Variants in LRFN5 observed in about 807,000 individuals in gnomAD.
LRFN5 encodes the protein leucine-rich repeat and fibronectin type-III domain-containing protein 5.
In LRFN5, 24 loss-of-function variants were observed where a neutral mutation model predicts 45.6. That is an observed-to-expected ratio of 0.53 (90% CI 0.38 to 0.74). LRFN5 has a LOEUF of 0.74. LRFN5 is among the 30% of genes least tolerant of loss of function. The pLI is 0.00. For missense variants in LRFN5, 776 were observed against 861.5 expected (o/e 0.90, Z 1.24); for synonymous variants, 340 against 313.8 (o/e 1.08, Z -0.88).
intron 1 of LRFN5, among the ~76,000 whole-genome samples, chr14:41,717,554 C>T (rs1883542248): frequency 6.6e-6 from 1 of 152,152 alleles, no homozygotes; most frequent in Admixed American, 6.5e-5. Flanking sequence ...TCTCTCTGAT[C>T]TTTGCTGAAG....
At chr14:41,822,697 T>C (rs1319185201) in intron 2 of LRFN5, among the ~76,000 whole-genome samples, 1 of 152,060 alleles carries the variant, frequency 6.6e-6, no homozygotes, top group East Asian at 1.9e-4. Context: ...TCTGTTTCCT[T>C]GTTAGTTTTT....
At chr14:41,660,318 A>G (rs1594590174) in intron 1 of LRFN5, among the ~76,000 whole-genome samples, 1 of 152,082 alleles carries the variant, frequency 6.6e-6, no homozygotes, top group Non-Finnish European at 1.5e-5. Flanking sequence ...GAGCCACCAC[A>G]CCCAGCCATA....
intron 1 of LRFN5, among the ~76,000 whole-genome samples, chr14:41,634,119 T>A (rs2138584222): frequency 6.6e-6 from 1 of 152,246 alleles, no homozygotes; most frequent in East Asian, 1.9e-4. Context: ...CATAGTACAG[T>A]GACTGTTATA....
chr14:41,880,959 A>G (rs1890359192), intron 2 of LRFN5, among the ~76,000 whole-genome samples: 1 of 152,268 alleles, frequency 6.6e-6, no homozygotes, highest in Admixed American at 6.5e-5. Flanking sequence ...TTTTAATGAC[A>G]TATCTTTTTC....
intron 1 of LRFN5, among the ~76,000 whole-genome samples, chr14:41,613,425 A>T (rs928524269): frequency 6.6e-6 from 1 of 152,044 alleles, no homozygotes; most frequent in African/African-American, 2.4e-5. Context: ...CAGAACTTAA[A>T]ATAAAATAAG....
At chr14:41,745,688 A>T (rs1017030711) in intron 1 of LRFN5, among the ~76,000 whole-genome samples, 3 of 152,062 alleles carry the variant, frequency 2.0e-5, no homozygotes, top group Non-Finnish European at 4.4e-5. Context: ...ATGAAAGTGG[A>T]GATGTTACTA....
intron 1 of LRFN5, among the ~76,000 whole-genome samples, chr14:41,744,726 A>G (rs1301717475): frequency 1.3e-5 from 2 of 152,150 alleles, no homozygotes; most frequent in Non-Finnish European, 2.9e-5. Context: ...TATTAACAAG[A>G]ATAAAGCTGG....
At chr14:41,894,092 AGT>A in intron 4 of LRFN5, 1 of 983,878 alleles carries the variant, frequency 1.0e-6, no homozygotes, top group Non-Finnish European at 1.2e-6. Context: ...TTATCAGCAT[AGT>A]ATTAAAAATA....
chr14:41,718,551 C>T (rs1297226208), intron 1 of LRFN5, among the ~76,000 whole-genome samples: 1 of 152,150 alleles, frequency 6.6e-6, no homozygotes, highest in East Asian at 1.9e-4. Flanking sequence ...AGATTCTTCA[C>T]TTTTAGAATT....
chr14:41,731,158 C>T (rs1486967981), intron 1 of LRFN5, among the ~76,000 whole-genome samples: 2 of 152,086 alleles, frequency 1.3e-5, no homozygotes, highest in African/African-American at 4.8e-5. Context: ...TCTCATCACA[C>T]ACCAACTGTA....
intron 1 of LRFN5, among the ~76,000 whole-genome samples, chr14:41,670,281 AT>A (rs1881133480): frequency 1.4e-5 from 1 of 73,438 alleles, no homozygotes; most frequent in Non-Finnish European, 2.4e-5. Context: ...ATATATATAT[AT>A]ATATATATAT....
chr14:41,886,985 T>C lies in LRFN5; in HGVS notation c.360T>C (p.Ser120=), dbSNP rs1172260362. 6.2e-7 allele frequency: 1 copy of C among 1,614,174 alleles called. No homozygotes were observed. The highest frequency in any genetic ancestry group is 8.5e-7 in the Non-Finnish European group (1 of 1,180,020). Residue 120 remains serine (S), a synonymous_variant, in exon 3 of 6, where the codon AGT becomes AGC. Transcript: ENST00000298119. ...CTAAAATTACAAATGATATGTTCAG[T>C]GGTCTTTCCAATCTTCATCATTTGA... is the stretch of plus-strand genomic sequence containing the variant. ...RLTKITNDMF[S]GLSNLHHLIL...
intron 1 of LRFN5, among the ~76,000 whole-genome samples, chr14:41,759,008 A>G (rs562456282): frequency 1.3e-5 from 2 of 152,124 alleles, no homozygotes; most frequent in Non-Finnish European, 2.9e-5. Context: ...AGGGCATACA[A>G]TTATTCATAT....
chr14:41,798,515 C>T (rs368001481), intron 2 of LRFN5, among the ~76,000 whole-genome samples: 6 of 152,072 alleles, frequency 3.9e-5, no homozygotes, highest in African/African-American at 7.2e-5. Context: ...CCTGCTCTTA[C>T]GTAGTTTACC....
At chr14:41,881,672 C>G (rs1890385182) in intron 2 of LRFN5, among the ~76,000 whole-genome samples, 1 of 152,068 alleles carries the variant, frequency 6.6e-6, no homozygotes, top group Admixed American at 6.6e-5. Flanking sequence ...TCCCTCAGAT[C>G]TAATACTTTT....
intron 1 of LRFN5, among the ~76,000 whole-genome samples, chr14:41,660,018 T>C (rs1294170282): frequency 6.6e-6 from 1 of 151,784 alleles, no homozygotes; most frequent in Non-Finnish European, 1.5e-5. Context: ...CTGATAATAG[T>C]TTTATTTTAT....
At chr14:41,715,517 C>A (rs1375531233) in intron 1 of LRFN5, among the ~76,000 whole-genome samples, 1 of 152,122 alleles carries the variant, frequency 6.6e-6, no homozygotes. Flanking sequence ...CAGATGGACA[C>A]TTTTTTCAGA....
chr14:41,674,709 C>G (rs1881504461), intron 1 of LRFN5, among the ~76,000 whole-genome samples: 1 of 151,106 alleles, frequency 6.6e-6, no homozygotes, highest in African/African-American at 2.4e-5. Flanking sequence ...GGCTGACCCC[C>G]CTACCTCCCT....
At chr14:41,672,369 A>G (rs1230772207) in intron 1 of LRFN5, among the ~76,000 whole-genome samples, 1 of 152,046 alleles carries the variant, frequency 6.6e-6, no homozygotes, top group Non-Finnish European at 1.5e-5. Context: ...TTCTTTTTTC[A>G]GAACATAGTT....
Sources: allele counts gnomAD v4.1 joint callset (sites outside exome capture counted in the v4.1 genomes callset), GRCh38; gene constraint gnomAD v4.1.1; transcripts MANE v1.5; gene names NCBI Gene and HGNC (gene_info 2026-07-23, HGNC 2026-07-21).